The following MAPK4 variants were observed in gnomAD, a reference collection of about 807,000 sequenced individuals.
MAPK4 encodes the protein mitogen-activated protein kinase 4.
MAPK4 carries 22 observed loss-of-function variants against 47.7 expected under a neutral mutation model. The observed-to-expected ratio is 0.46, with a 90% CI of 0.33 to 0.66. MAPK4 has a LOEUF of 0.66. Among genes scored for constraint, MAPK4 ranks in the 30% least tolerant of loss-of-function variants. The pLI is 0.02. For synonymous variants in MAPK4, 390 were observed against 365.7 expected, an observed-to-expected ratio of 1.07 and a Z score of -0.76; for missense variants, 736 against 831.7, an observed-to-expected ratio of 0.88 and a Z score of 1.42.
chr18:50,672,912 C>T lies in MAPK4; in HGVS notation c.546+8408C>T, dbSNP rs904355383. On this transcript the variant is annotated intron_variant, in intron 2 of 5. Coordinates refer to ENST00000400384, the MANE Select transcript of MAPK4 (RefSeq NM_002747.4). Reference sequence around the variant, plus strand: ...ACATCAGCCACGCTGTGCTGCTTCCCTCATATCAAAGTTCCCCCTTTCCAA... The same window carrying T: ...ACATCAGCCACGCTGTGCTGCTTCCTTCATATCAAAGTTCCCCCTTTCCAA... 3.9e-5 allele frequency among the ~76,000 whole-genome samples: 6 copies of T among 152,328 alleles called. No homozygotes were observed. In the South Asian group the frequency reaches 1.0e-3, roughly 26 times the overall value.
chr18:50,641,219 G>A (rs889585259), intron 1 of MAPK4, among the ~76,000 whole-genome samples: 2 of 152,086 alleles, frequency 1.3e-5, no homozygotes, highest in African/African-American at 2.4e-5. Flanking sequence ...TATAAAAAGA[G>A]GGCTGGACGA....
At chr18:50,652,636 G>C (rs1283998926) in intron 1 of MAPK4, among the ~76,000 whole-genome samples, 4 of 152,204 alleles carry the variant, frequency 2.6e-5, no homozygotes, top group Non-Finnish European at 4.4e-5. Flanking sequence ...GCACTGCTCA[G>C]ATATTAATAT....
chr18:50,671,882 C>A, intron 2 of MAPK4, among the ~76,000 whole-genome samples: 1 of 146,092 alleles, frequency 6.8e-6, no homozygotes, highest in South Asian at 2.2e-4. Context: ...AGAGTGAGAC[C>A]CTGACTCAAA....
intron 1 of MAPK4, among the ~76,000 whole-genome samples, chr18:50,625,603 G>A (rs947123965): frequency 2.0e-5 from 3 of 152,140 alleles, no homozygotes; most frequent in Admixed American, 1.3e-4. Flanking sequence ...AGAGAGGGAA[G>A]ACATGCTCAG....
At chr18:50,713,146 ATTGT>A (rs1449848513) in intron 2 of MAPK4, among the ~76,000 whole-genome samples, 2 of 152,220 alleles carry the variant, frequency 1.3e-5, no homozygotes, top group African/African-American at 2.4e-5. Flanking sequence ...GCATGAATAA[ATTGT>A]TTGAGATGAT....
chr18:50,684,933 G>A (rs927436873), intron 2 of MAPK4, among the ~76,000 whole-genome samples: 3 of 152,162 alleles, frequency 2.0e-5, no homozygotes, highest in African/African-American at 7.2e-5. Flanking sequence ...CGGTGGCACC[G>A]GGCCCCATCT....
intron 2 of MAPK4, chr18:50,670,339 T>C (rs1907868954): frequency 6.6e-6 from 1 of 152,256 alleles, no homozygotes; most frequent in Non-Finnish European, 1.5e-5. Context: ...TTCAAGCAAG[T>C]CTGTTTCCTG....
chr18:50,570,324 T>A (rs2042238688), intron 1 of MAPK4, among the ~76,000 whole-genome samples: 1 of 152,222 alleles, frequency 6.6e-6, no homozygotes, highest in Admixed American at 6.5e-5. Flanking sequence ...CTGTTCCTAA[T>A]AAGGCAGGTG....
Position 50,731,471 on chromosome 18 carries a change from T to C in MAPK4, c.*1617T>C, listed in dbSNP as rs1307134379. 2 of 152,354 alleles carry C rather than the reference T, an allele frequency of 1.3e-5. No individual in the cohort carries two copies. The highest frequency in any genetic ancestry group is 4.8e-5 in the African/African-American group (2 of 41,464). 9.4% of individuals were successfully genotyped at this position (152,354 alleles called of 1,614,324 possible). A position where few individuals can be genotyped will look rare whatever the true frequency, so the allele number is the denominator to read the frequency against. Reference sequence around the variant, plus strand: ...CCCTCACATCACAGCACCTTAAATCTAATCAGCAAACTATAATTTGTACGT... The same window carrying C: ...CCCTCACATCACAGCACCTTAAATCCAATCAGCAAACTATAATTTGTACGT... On this transcript the variant is annotated 3_prime_UTR_variant, in exon 6 of 6. Coordinates refer to ENST00000400384, the MANE Select transcript of MAPK4 (RefSeq NM_002747.4).
chr18:50,585,172 G>A (rs77570901), intron 1 of MAPK4, among the ~76,000 whole-genome samples: 3,124 of 152,298 alleles, frequency 0.021, 105 homozygotes, highest in African/African-American at 0.07. Context: ...CAGAGGTTCT[G>A]ATTTAATTGG....
At chr18:50,597,144 A>T (rs1224918815) in intron 1 of MAPK4, among the ~76,000 whole-genome samples, 1 of 152,150 alleles carries the variant, frequency 6.6e-6, no homozygotes, top group Non-Finnish European at 1.5e-5. Context: ...CATTCAACCC[A>T]ATGAAAAGTA....
chr18:50,609,378 G>A (rs1291318071), intron 1 of MAPK4, among the ~76,000 whole-genome samples: 2 of 151,114 alleles, frequency 1.3e-5, no homozygotes, highest in African/African-American at 2.4e-5. Flanking sequence ...GCGGCTGGCC[G>A]GGCGGGGGCT....
chr18:50,729,527 G>A lies in MAPK4; in HGVS notation c.1437G>A (p.Thr479=), dbSNP rs56329210. The A allele has an allele frequency of 1.3e-5, 18 of 1,434,700 alleles. No individual in the cohort carries two copies. The highest frequency in any genetic ancestry group is 2.9e-5 in the Admixed American group (1 of 34,556). The allele number at this position is 1,434,700 out of a possible 1,614,324, so 88.9% of individuals were successfully genotyped here. Residue 479 remains threonine, a synonymous_variant, in exon 6 of 6, where the codon ACG becomes ACA. Transcript: ENST00000400384. ...CCACGGCCACGGGGCTGGCGGACAC[G>A]GGGGCGCGCGAGGACGAGCCGGCCA... is the stretch of plus-strand genomic sequence containing the variant. ...APPTATGLAD[T]GAREDEPASL...
intron 3 of MAPK4, among the ~76,000 whole-genome samples, chr18:50,718,346 G>A (rs1015808297): frequency 1.8e-4 from 27 of 152,170 alleles, no homozygotes; most frequent in Non-Finnish European, 4.4e-5. Context: ...AGCCTCCCGA[G>A]TAGCTGGGAT....
intron 2 of MAPK4, among the ~76,000 whole-genome samples, chr18:50,697,645 C>T (rs1909583715): frequency 6.6e-6 from 1 of 152,126 alleles, no homozygotes; most frequent in South Asian, 2.1e-4. Flanking sequence ...TTTAACCACA[C>T]ACTAAAATAT....
At chr18:50,603,949 G>A (rs2042562299) in intron 1 of MAPK4, among the ~76,000 whole-genome samples, 1 of 152,160 alleles carries the variant, frequency 6.6e-6, no homozygotes, top group African/African-American at 2.4e-5. Flanking sequence ...TGGTTTACAA[G>A]GAGTTCTAAT....
At chr18:50,695,022 A>C (rs1909423893) in intron 2 of MAPK4, among the ~76,000 whole-genome samples, 1 of 152,202 alleles carries the variant, frequency 6.6e-6, no homozygotes, top group Non-Finnish European at 1.5e-5. Context: ...TCTGCCTGTC[A>C]GAAGCTGATG....
chr18:50,670,808 C>T (rs1460514968), intron 2 of MAPK4, among the ~76,000 whole-genome samples: 1 of 151,942 alleles, frequency 6.6e-6, no homozygotes, highest in Non-Finnish European at 1.5e-5. Flanking sequence ...AAGTGAGGCC[C>T]CACACCAGCA....
chr18:50,630,333 C>T (rs908491187), intron 1 of MAPK4, among the ~76,000 whole-genome samples: 7 of 152,254 alleles, frequency 4.6e-5, no homozygotes, highest in Admixed American at 2.6e-4. Context: ...GGATTACAGG[C>T]GTGCACCACC....
Sources: gnomAD v4.1 joint callset for allele counts (sites outside exome capture counted in the v4.1 genomes callset) on GRCh38, gnomAD v4.1.1 for gene constraint, MANE v1.5 for transcripts, NCBI Gene and HGNC (gene_info 2026-07-23, HGNC 2026-07-21) for gene names.